Variants in ZBED4 observed in about 807,000 individuals in gnomAD.
ZBED4 encodes zinc finger BED-type containing 4.
Under a neutral mutation model 15.5 loss-of-function variants are expected in ZBED4, and 4 were observed. The ratio of observed to expected loss-of-function variants is 0.26; its 90% CI spans 0.13 to 0.59. The LOEUF is 0.59. Among genes scored for constraint, ZBED4 ranks in the 20% least tolerant of loss-of-function variants. ZBED4 has a pLI of 0.90. For synonymous variants in ZBED4, 692 were observed against 608.5 expected (o/e 1.14, Z -2.02); for missense variants, 1,323 against 1,461.8 (o/e 0.91, Z 1.55).
At chr22:49,854,795 G>T (rs1170419199) in intron 1 of ZBED4, among the ~76,000 whole-genome samples, 1 of 152,178 alleles carries the variant, frequency 6.6e-6, no homozygotes, top group Non-Finnish European at 1.5e-5. Flanking sequence ...TGGTGTTCTC[G>T]TGTTGGTCGA....
intron 1 of ZBED4, among the ~76,000 whole-genome samples, chr22:49,858,741 C>T (rs376592037): frequency 2.0e-5 from 3 of 152,202 alleles, no homozygotes; most frequent in South Asian, 2.1e-4. Flanking sequence ...TGTCCCTTGG[C>T]GTCATCCAGT....
intron 1 of ZBED4, among the ~76,000 whole-genome samples, chr22:49,872,363 G>T (rs2060352429): frequency 6.6e-6 from 1 of 152,072 alleles, no homozygotes; most frequent in Admixed American, 6.6e-5. Flanking sequence ...CGTATCTTTG[G>T]GTTCTGTGTA....
chr22:49,886,880 A>C lies in ZBED4; in HGVS notation c.3218A>C (p.Lys1073Thr). 1 of 1,614,130 alleles carries C rather than the reference A, an allele frequency of 6.2e-7. No individual in the cohort carries two copies. Among genetic ancestry groups the C allele is most frequent in the Non-Finnish European group, 8.5e-7 (1 of 1,180,026 alleles). The change falls in exon 2 of 2, where the codon AAG becomes ACG. Residue 1073 changes from lysine (K) to threonine (T), a missense_variant. Lys to Thr is a moderately conservative substitution (Grantham distance 78). Coordinates refer to ENST00000216268, the MANE Select transcript of ZBED4 (RefSeq NM_014838.3). This position sits in a 1 kb window ranked among gnomAD's most constrained non-coding sequence, Gnocchi z 7.7. ...TGGTCACTTGTGGCCAAGGTGAAGA[A>C]GAAAGACCCAAGAGAAAAGCTGCCT... The part of the protein sequence containing the change: ...NLWSLVAKVK[K>T]KDPREKLPEA...
At chr22:49,872,705 T>A (rs938483751) in intron 1 of ZBED4, among the ~76,000 whole-genome samples, 10 of 133,598 alleles carry the variant, frequency 7.5e-5, no homozygotes, top group South Asian at 2.2e-4. Context: ...AATTTTTAAA[T>A]TTTTTTTTTT....
Position 49,889,383 on chromosome 22 carries a change from CAG to C in ZBED4, c.*2206_*2207del, listed in dbSNP as rs1354445727. On this transcript the variant is annotated 3_prime_UTR_variant, in exon 2 of 2. Coordinates refer to ENST00000216268, the MANE Select transcript of ZBED4 (RefSeq NM_014838.3). The stretch of plus-strand genomic sequence containing the variant: ...CCACAGGCCCACTGAAAGGGACAAA[CAG>C]GGCTGAAAATACTCACTGTTTGGCC... 6.0e-6 allele frequency: 1 copy of C among 167,020 alleles called. No homozygotes were observed. The highest frequency in any genetic ancestry group is 2.4e-5 in the African/African-American group (1 of 41,418). The allele number at this position is 167,020 out of a possible 1,614,324, so 10.3% of individuals were successfully genotyped here.
intron 1 of ZBED4, among the ~76,000 whole-genome samples, chr22:49,868,300 T>C (rs904199176): frequency 4.6e-5 from 7 of 152,226 alleles, no homozygotes; most frequent in African/African-American, 1.7e-4. Context: ...GAGCTTACTA[T>C]ATTTCAAATG....
rs1395407022 is a variant in ZBED4 at position 49,887,163 on chromosome 22, A to G, written c.3501A>G (p.Ile1167Met). Residue 1167 changes from isoleucine (I) to methionine (M), a missense_variant, in exon 2 of 2, where the codon ATA becomes ATG. Around this residue, in one of 6 missense-constraint regions of ZBED4, gnomAD observed 312 missense variants for 410.7 expected, o/e 0.76. Coordinates refer to ENST00000216268, the MANE Select transcript of ZBED4 (RefSeq NM_014838.3). The stretch of plus-strand genomic sequence containing the variant: ...TTTTGAAAGTGAATCTTCCCTTAAT[A>G]TACTTTCAGTATTGAAACTCACGAC... The part of the protein sequence containing the change: ...LIFLKVNLPL[I>M]YFQY 6.2e-6 allele frequency: 10 copies of G among 1,611,110 alleles called. No homozygotes were observed. Among genetic ancestry groups the G allele is most frequent in the Non-Finnish European group, 8.5e-6 (10 of 1,178,210 alleles).
chr22:49,860,151 C>T (rs2060290558), intron 1 of ZBED4, among the ~76,000 whole-genome samples: 1 of 151,814 alleles, frequency 6.6e-6, no homozygotes, highest in African/African-American at 2.4e-5. Flanking sequence ...ATACAGAAAT[C>T]AGCCGGGCAT....
At chr22:49,875,547 G>A (rs1234573086) in intron 1 of ZBED4, among the ~76,000 whole-genome samples, 3 of 151,558 alleles carry the variant, frequency 2.0e-5, no homozygotes, top group African/African-American at 7.3e-5. Flanking sequence ...CAGCCTCTCA[G>A]GTAGCTGGGG....
intron 1 of ZBED4, among the ~76,000 whole-genome samples, chr22:49,856,633 C>T (rs2060275583): frequency 6.7e-6 from 1 of 149,840 alleles, no homozygotes; most frequent in South Asian, 2.1e-4. Context: ...ACACTGGAAT[C>T]CCGGCCGGCT....
Position 49,884,436 on chromosome 22 carries a change from C to T in ZBED4, c.774C>T (p.Leu258=), listed in dbSNP as rs768876305. The change falls in exon 2 of 2, where the codon CTC becomes CTT. Residue 258 remains leucine (L), a synonymous_variant. Transcript: ENST00000216268. ...CCCTGGTGGGGTCGTCTCCCCACCT[C>T]CCTGCTCTCCATTACGATGAACCTG... is the stretch of plus-strand genomic sequence containing the variant. ...EEALVGSSPH[L]PALHYDEPAE... 2.5e-5 allele frequency: 40 copies of T among 1,614,166 alleles called. 1 individual carries two copies. In the South Asian group the frequency reaches 4.2e-4, roughly 17 times the overall value.
At position 49,884,316 on chromosome 22, in the gene ZBED4, C is replaced by T. The variant is rs1404529134; in HGVS notation, c.654C>T (p.Ser218=). ...AGAAAGTGGCGTCTAAGATCCCGTC[C>T]CCCGATCGAATAACAGAGGAGTCTG... ...LVQKVASKIP[S]PDRITEESVS... is the part of the protein sequence containing the mutation. Residue 218 remains serine (S), a synonymous_variant, in exon 2 of 2, where the codon TCC becomes TCT. Coordinates refer to ENST00000216268, the MANE Select transcript of ZBED4 (RefSeq NM_014838.3). The T allele has an allele frequency of 5.6e-6, 9 of 1,613,802 alleles. No individual in the cohort carries two copies. Among genetic ancestry groups the T allele is most frequent in the African/African-American group, 1.3e-5 (1 of 75,054 alleles).
chr22:49,883,539 G>T lies in ZBED4; in HGVS notation c.-124G>T. The T allele has an allele frequency of 7.5e-7, 1 of 1,326,086 alleles. No homozygotes were observed. Among genetic ancestry groups the T allele is most frequent in the Non-Finnish European group, 1.0e-6 (1 of 997,068 alleles). 82.1% of individuals were successfully genotyped at this position (1,326,086 alleles called of 1,614,324 possible). On this transcript the variant is annotated 5_prime_UTR_variant, in exon 2 of 2. Coordinates refer to ENST00000216268, the MANE Select transcript of ZBED4 (RefSeq NM_014838.3). Reference sequence around the variant, plus strand: ...CTATTTATGATTAGCCATATTTCTAGAAACATCCTGAAAGATGGAATTATG... The same window carrying T: ...CTATTTATGATTAGCCATATTTCTATAAACATCCTGAAAGATGGAATTATG...
At position 49,885,292 on chromosome 22, in the gene ZBED4, G is replaced by A; in HGVS notation, c.1630G>A (p.Val544Met). Residue 544 changes from valine (V) to methionine (M), a missense_variant, in exon 2 of 2, where the codon GTG becomes ATG. Around this residue, in one of 6 missense-constraint regions of ZBED4, gnomAD observed 429 missense variants for 397.9 expected, o/e 1.08. Coordinates refer to ENST00000216268, the MANE Select transcript of ZBED4 (RefSeq NM_014838.3). ...SSSKLTDLPT[V>M]VTKNNQVMFP... ...TTCCAAATTGACTGACTTGCCAACA[G>A]TGGTCACAAAAAACAATCAAGTTAT... 1 of 1,594,394 alleles carries A rather than the reference G, an allele frequency of 6.3e-7. No homozygotes were observed. The highest frequency in any genetic ancestry group is 8.6e-7 in the Non-Finnish European group (1 of 1,168,752).
intron 1 of ZBED4, among the ~76,000 whole-genome samples, chr22:49,866,505 T>A (rs527808007): frequency 1.3e-5 from 2 of 152,300 alleles, no homozygotes; most frequent in South Asian, 2.1e-4. Context: ...ATTTTACTTT[T>A]ATTTTTAGTG....
At chr22:49,857,949 A>T (rs2060281446) in intron 1 of ZBED4, among the ~76,000 whole-genome samples, 1 of 150,380 alleles carries the variant, frequency 6.6e-6, no homozygotes, top group African/African-American at 2.5e-5. Flanking sequence ...TTTTTAGTAG[A>T]GACGGGGTTT....
rs1272870803 is a variant in ZBED4, at chr22:49,874,661, C to A, written c.-329-8673C>A. 1.7e-4 allele frequency among the ~76,000 whole-genome samples: 24 copies of A among 138,958 alleles called. 1 individual carries two copies. The Admixed American group carries it at 1.9e-3, about 11-fold the overall frequency. 91.2% of individuals were successfully genotyped at this position (138,958 alleles called of 152,430 possible). ...GTGCTGGGATTACAGGCGTGAACCA[C>A]CATGCCCAGCCTTTTTTTTTTTTTT... is the stretch of plus-strand genomic sequence containing the variant. On this transcript the variant is annotated intron_variant, in intron 1 of 1. Transcript: ENST00000216268.
chr22:49,886,724 A>C lies in ZBED4; in HGVS notation c.3062A>C (p.Glu1021Ala), dbSNP rs757320386. The change falls in exon 2 of 2, where the codon GAG becomes GCG. Residue 1021 changes from glutamate to alanine, a missense_variant. Transcript: ENST00000216268. The surrounding 1 kb of genome is among the most constrained non-coding windows in gnomAD (Gnocchi z 7.7). ...AAGGCCTCCCTGTTTACGGAGGAGGAGGCGGAGCAGTACAAACAGGATTTA... is the reference window on the plus strand; with the variant it reads ...AAGGCCTCCCTGTTTACGGAGGAGGCGGCGGAGCAGTACAAACAGGATTTA... Reference protein sequence around the residue: ...RYKASLFTEEEAEQYKQDLIR... With the variant: ...RYKASLFTEEAAEQYKQDLIR... The C allele has an allele frequency of 3.4e-5, 55 of 1,613,388 alleles. No homozygotes were observed. The Admixed American group carries it at 5.7e-4, about 17-fold the overall frequency.
chr22:49,872,001 A>G (rs776627666), intron 1 of ZBED4, among the ~76,000 whole-genome samples: 6 of 151,960 alleles, frequency 3.9e-5, no homozygotes. Context: ...GCCTCGGCCT[A>G]CCAAAGTGCT....
Sources: gnomAD v4.1 joint callset for allele counts (sites outside exome capture counted in the v4.1 genomes callset) on GRCh38, gnomAD v4.1.1 for gene constraint, gnomAD v4.1.1 regional missense constraint, Gnocchi (gnomAD v3.1) non-coding constraint, MANE v1.5 for transcripts, NCBI Gene and HGNC (gene_info 2026-07-23, HGNC 2026-07-21) for gene names.